GOLIM4: variants seen among roughly 807,000 people sequenced by gnomAD.
The protein encoded by GOLIM4 is 130 kDa golgi-localized phosphoprotein.
In GOLIM4, 71 loss-of-function variants were observed where a neutral mutation model predicts 107.4. The ratio of observed to expected loss-of-function variants is 0.66; its 90% CI spans 0.55 to 0.81. GOLIM4 has a LOEUF of 0.81. Among genes scored for constraint, GOLIM4 ranks in the 30% least tolerant of loss-of-function variants. The probability of loss-of-function intolerance (pLI) is 0.00; values close to 1 mark genes in which losing one functional copy is unlikely to be tolerated. For missense variants in GOLIM4, 830 were observed against 826.1 expected, an observed-to-expected ratio of 1.00 and a Z score of -0.06; for synonymous variants, 327 against 294.8, an observed-to-expected ratio of 1.11 and a Z score of -1.12.
intron 1 of GOLIM4, among the ~76,000 whole-genome samples, chr3:168,072,275 A>G (rs1720871916): frequency 6.6e-6 from 1 of 152,100 alleles, no homozygotes; most frequent in Non-Finnish European, 1.5e-5. Context: ...AGTCAATTCA[A>G]CCTGGTGAAT....
chr3:168,071,975 G>T (rs937132769), intron 1 of GOLIM4, among the ~76,000 whole-genome samples: 1 of 151,944 alleles, frequency 6.6e-6, no homozygotes, highest in African/African-American at 2.4e-5. Context: ...TCTGCTTCTG[G>T]GCGTCAAATC....
intron 1 of GOLIM4, among the ~76,000 whole-genome samples, chr3:168,089,648 T>C (rs1421840851): frequency 2.0e-5 from 3 of 151,978 alleles, no homozygotes; most frequent in African/African-American, 7.3e-5. Flanking sequence ...CTGCGCACAA[T>C]ACCACCATAT....
At chr3:168,060,041 C>T (rs1720176730) in intron 1 of GOLIM4, among the ~76,000 whole-genome samples, 1 of 151,610 alleles carries the variant, frequency 6.6e-6, no homozygotes, top group Admixed American at 6.6e-5. Flanking sequence ...GTGCAATGGT[C>T]ACAGAGCCCA....
intron 8 of GOLIM4, 101 bp from the exon 9 acceptor site, chr3:168,032,953 A>G: frequency 1.2e-6 from 1 of 864,018 alleles, no homozygotes; most frequent in Non-Finnish European, 1.8e-6. Flanking sequence ...CTACAACAGA[A>G]GAAGGTGTCT....
At chr3:168,049,189 A>G (rs1413903935) in intron 1 of GOLIM4, among the ~76,000 whole-genome samples, 2 of 152,144 alleles carry the variant, frequency 1.3e-5, no homozygotes, top group African/African-American at 4.8e-5. Context: ...GAGAAGAGGC[A>G]TACCACAACA....
intron 1 of GOLIM4, among the ~76,000 whole-genome samples, chr3:168,054,319 C>T (rs1051052259): frequency 6.6e-6 from 1 of 152,208 alleles, no homozygotes; most frequent in Admixed American, 6.5e-5. Context: ...GGCCTTACCC[C>T]ATCGTTCATC....
At chr3:168,039,419 A>G (rs1718849888) in intron 7 of GOLIM4, among the ~76,000 whole-genome samples, 1 of 151,962 alleles carries the variant, frequency 6.6e-6, no homozygotes, top group African/African-American at 2.4e-5. Context: ...GCACACCACC[A>G]CGCCTGGCTA....
intron 12 of GOLIM4, among the ~76,000 whole-genome samples, chr3:168,026,829 A>C (rs1718019275): frequency 6.6e-6 from 1 of 152,234 alleles, no homozygotes; most frequent in Non-Finnish European, 1.5e-5. Context: ...GTGCAAGTTA[A>C]GTGGAAAAGC....
At chr3:168,025,295 G>C (rs1349453866) in intron 12 of GOLIM4, among the ~76,000 whole-genome samples, 200 bp from the exon 13 acceptor site, 1 of 152,232 alleles carries the variant, frequency 6.6e-6, no homozygotes, top group Non-Finnish European at 1.5e-5. Flanking sequence ...GAGGCTTGAT[G>C]AATCAGAATG....
chr3:168,040,952 A>G, intron 6 of GOLIM4, 83 bp from the exon 7 acceptor site: 1 of 834,458 alleles, frequency 1.2e-6, no homozygotes, highest in South Asian at 1.4e-5. Context: ...TGGCTACCCA[A>G]ATGTTACTTG....
intron 1 of GOLIM4, among the ~76,000 whole-genome samples, chr3:168,057,400 C>T (rs1235287167): frequency 2.6e-5 from 4 of 152,150 alleles, no homozygotes; most frequent in Non-Finnish European, 1.5e-5. Context: ...GACTGGGTAA[C>T]TTATGAACAA....
intron 1 of GOLIM4, among the ~76,000 whole-genome samples, chr3:168,075,534 G>A (rs1424820795): frequency 2.0e-5 from 3 of 151,736 alleles, no homozygotes; most frequent in Non-Finnish European, 2.9e-5. Flanking sequence ...TCCTGACCTC[G>A]TGATCCGCCT....
At position 168,024,967 on chromosome 3, in the gene GOLIM4, A is replaced by G. The variant is rs752041923; in HGVS notation, c.1752T>C (p.Asn584=). ...PDENEEQKQS[N]QKQENTEVEE... Reference sequence around the variant, plus strand: ...CCACTTCTGTATTCTCTTGCTTTTGATTACTTTGTTTTTGCTCTTCATTTT... The same window carrying G: ...CCACTTCTGTATTCTCTTGCTTTTGGTTACTTTGTTTTTGCTCTTCATTTT... The change falls in exon 13 of 16, where the codon AAT becomes AAC. Residue 584 remains asparagine (N), a synonymous_variant. Coordinates refer to ENST00000470487, the MANE Select transcript of GOLIM4 (RefSeq NM_014498.5). The G allele has an allele frequency of 5.0e-6, 8 of 1,613,810 alleles. No individual in the cohort carries two copies. Among genetic ancestry groups the G allele is most frequent in the Non-Finnish European group, 6.8e-6 (8 of 1,179,930 alleles).
Position 168,095,307 on chromosome 3 carries a change from C to T in GOLIM4, c.-22G>A. The stretch of plus-strand genomic sequence containing the variant: ...CCATAGTCCCGCCTGGACCCAAAGC[C>T]GCGGCCGCCCCCGCCGTCTCCTCCC... On this transcript the variant is annotated 5_prime_UTR_variant, in exon 1 of 16. Transcript: ENST00000470487. 1 of 1,603,530 alleles carries T rather than the reference C, an allele frequency of 6.2e-7. No individual in the cohort carries two copies. Among genetic ancestry groups the T allele is most frequent in the South Asian group, 1.1e-5 (1 of 90,198 alleles).
At chr3:168,085,242 C>T (rs546576473) in intron 1 of GOLIM4, among the ~76,000 whole-genome samples, 39 of 152,110 alleles carry the variant, frequency 2.6e-4, no homozygotes, top group Non-Finnish European at 2.4e-4. Context: ...AAGACAAAAG[C>T]GGAGGGTGTC....
In GOLIM4 at chr3:168,045,708, A is replaced by AT. The variant is rs555797028; in HGVS notation, c.313-828dup. On this transcript the variant is annotated intron_variant, in intron 3 of 15. Transcript: ENST00000470487. ...TGCCAGCACAAGTATACACTCATGC[A>AT]TTTTTTTTCATATTTTTATTAAAAA... Among the ~76,000 whole-genome samples, 1,376 of 151,890 alleles carry AT rather than the reference A, an allele frequency of 9.1e-3. 21 individuals carry two copies. Among genetic ancestry groups the AT allele is most frequent in the Non-Finnish European group, 0.015 (1,024 of 67,956 alleles).
chr3:168,030,004 G>A lies in GOLIM4; in HGVS notation c.1209C>T (p.Phe403=). 1 of 1,614,174 alleles carries A rather than the reference G, an allele frequency of 6.2e-7. No homozygotes were observed. Among genetic ancestry groups the A allele is most frequent in the Non-Finnish European group, 8.5e-7 (1 of 1,180,024 alleles). Residue 403 remains phenylalanine (F), a synonymous_variant, in exon 10 of 16, where the codon TTC becomes TTT. Transcript: ENST00000470487. Reference sequence around the variant, plus strand: ...CCAACTGTTCCTCATAGGGTGATTGGAATTTGATCATTGGCTTGGCTGAAG... The same window carrying A: ...CCAACTGTTCCTCATAGGGTGATTGAAATTTGATCATTGGCTTGGCTGAAG... The part of the protein sequence containing the change: ...VYPSAKPMIK[F]QSPYEEQLEQ...
At chr3:168,045,477 A>T (rs760638820) in intron 3 of GOLIM4, among the ~76,000 whole-genome samples, 2 of 152,170 alleles carry the variant, frequency 1.3e-5, no homozygotes, top group African/African-American at 4.8e-5. Flanking sequence ...GCCAGGATTG[A>T]AACTTGAGCC....
rs570635719 is a variant in GOLIM4, at chr3:168,092,517, G to A, written c.187+2582C>T. ...GGTGACCTAAATACGCTCACTTAAC[G>A]AACGCACATCATCAGATTATAGGTC... On this transcript the variant is annotated intron_variant, in intron 1 of 15. Coordinates refer to ENST00000470487, the MANE Select transcript of GOLIM4 (RefSeq NM_014498.5). Among the ~76,000 whole-genome samples the A allele has an allele frequency of 4.6e-5, 7 of 152,150 alleles. No homozygotes were observed. The South Asian group carries it at 1.5e-3, about 32-fold the overall frequency.
Sources: gnomAD v4.1 joint callset for allele counts (sites outside exome capture counted in the v4.1 genomes callset) on GRCh38, gnomAD v4.1.1 for gene constraint, MANE v1.5 for transcripts, NCBI Gene and HGNC (gene_info 2026-07-23, HGNC 2026-07-21) for gene names.